Variants in SYT3 observed in about 807,000 individuals in gnomAD.
The protein encoded by SYT3 is synaptotagmin 3.
In SYT3, 25 loss-of-function variants were observed where a neutral mutation model predicts 50.6. That is an observed-to-expected ratio of 0.49 (90% confidence interval 0.36 to 0.69). SYT3 has a LOEUF of 0.69. Ranked by LOEUF, SYT3 falls within the 30% of genes least tolerant of loss-of-function variation. SYT3 has a pLI of 0.00. For missense variants in SYT3, 589 were observed against 793.6 expected, an observed-to-expected ratio of 0.74 and a Z score of 3.10; for synonymous variants, 323 against 353.9, an observed-to-expected ratio of 0.91 and a Z score of 0.98.
the SYT3 span, among the ~76,000 whole-genome samples, chr19:50,647,252 G>A: frequency 1.3e-5 from 2 of 152,290 alleles, no homozygotes; most frequent in East Asian, 1.9e-4. Flanking sequence ...GTGAGGGGCT[G>A]AAAGTTTGTC....
At chr19:50,656,485 C>T in the SYT3 span, 1 of 1,225,102 alleles carries the variant, frequency 8.2e-7, no homozygotes, top group African/African-American at 1.5e-5. Flanking sequence ...GGACAGTTTG[C>T]TGAAAACTGA....
chr19:50,651,986 A>C, the SYT3 span, among the ~76,000 whole-genome samples: 1 of 152,198 alleles, frequency 6.6e-6, no homozygotes, highest in Non-Finnish European at 1.5e-5. Flanking sequence ...ATTTTTTAAA[A>C]TTAATTTATT....
rs529397903 is a variant in SYT3, at chr19:50,623,613, C to CAAA, written c.1708-861_1708-859dup. The stretch of plus-strand genomic sequence containing the variant: ...ACAACATGGCAAAACCCTGTCTCTA[C>CAAA]AAAAAAAAAAAAAAAAAAAAAAAAA... On this transcript the variant is annotated intron_variant, in intron 9 of 10. Coordinates refer to ENST00000600079, the MANE Select transcript of SYT3 (RefSeq NM_001160329.2). Among the ~76,000 whole-genome samples, 19 of 91,624 alleles carry CAAA rather than the reference C, an allele frequency of 2.1e-4. 2 individuals carry two copies. The highest frequency in any genetic ancestry group is 5.6e-4 in the East Asian group (1 of 1,782). 60.1% of individuals were successfully genotyped at this position (91,624 alleles called of 152,430 possible). A position where few individuals can be genotyped will look rare whatever the true frequency, so the allele number is the denominator to read the frequency against.
intron 4 of SYT3, 150 bp from the exon 5 acceptor site, chr19:50,630,321 G>T: frequency 1.4e-6 from 1 of 732,718 alleles, no homozygotes; most frequent in South Asian, 2.5e-5. Flanking sequence ...GTGAGCTTGA[G>T]GAAGCCACTG....
Position 50,637,561 on chromosome 19 carries a change from C to A in SYT3, c.-15-135G>T. ...GGGCAAAGGGGACAGAGATTAGGGG[C>A]AGATGGATTAGGGATGGAGATTCGA... On this transcript the variant is annotated intron_variant, in intron 2 of 10. Transcript: ENST00000600079. This position sits in a 1 kb window ranked among gnomAD's most constrained non-coding sequence, Gnocchi z 4.9. 1.5e-6 allele frequency: 1 copy of A among 685,888 alleles called. No individual in the cohort carries two copies. Among genetic ancestry groups the A allele is most frequent in the Middle Eastern group, 2.6e-4 (1 of 3,890 alleles). The allele number at this position is 685,888 out of a possible 1,614,324, so 42.5% of individuals were successfully genotyped here.
rs747273906 is a variant in SYT3 at position 50,629,528 on chromosome 19, G to A, written c.1063-16C>T. On this transcript the variant is annotated splice_polypyrimidine_tract_variant and intron_variant, in intron 5 of 10. Coordinates refer to ENST00000600079, the MANE Select transcript of SYT3 (RefSeq NM_001160329.2). ...TCCTGTGCACCTGGTGGTGGTGGGC[G>A]ACAGGAGACAGACACCGTGCCCATA... 1.4e-5 allele frequency: 23 copies of A among 1,605,076 alleles called. No homozygotes were observed. The highest frequency in any genetic ancestry group is 1.3e-4 in the South Asian group (12 of 89,996).
chr19:50,644,504 G>T (rs778173109), upstream of SYT3, among the ~76,000 whole-genome samples: 1 of 152,108 alleles, frequency 6.6e-6, no homozygotes, highest in African/African-American at 2.4e-5. Context: ...TAGATGGATG[G>T]ATGTTGGAGG....
the SYT3 span, among the ~76,000 whole-genome samples, chr19:50,648,341 T>G: frequency 2.0e-4 from 30 of 152,178 alleles, no homozygotes; most frequent in Middle Eastern, 3.4e-3. Context: ...TGCCACCACC[T>G]AGAACGAATA....
upstream of SYT3, among the ~76,000 whole-genome samples, chr19:50,640,894 C>A (rs1984655315): frequency 6.6e-6 from 1 of 152,142 alleles, no homozygotes; most frequent in African/African-American, 2.4e-5. Flanking sequence ...CCCCTCAGTG[C>A]TCTCAATCAG....
chr19:50,645,156 A>C, the SYT3 span, among the ~76,000 whole-genome samples: 1 of 152,222 alleles, frequency 6.6e-6, no homozygotes, highest in Non-Finnish European at 1.5e-5. Flanking sequence ...GGCTATGGCC[A>C]TCCCTGCCAC....
the SYT3 span, among the ~76,000 whole-genome samples, chr19:50,655,384 C>T: frequency 1.3e-5 from 2 of 152,164 alleles, no homozygotes; most frequent in African/African-American, 4.8e-5. Context: ...GGCATAGTGG[C>T]TTATGCCTGT....
chr19:50,623,613 C>CAAAAAAAAAAAAAA lies in SYT3; in HGVS notation c.1708-872_1708-859dup, dbSNP rs529397903. Reference sequence around the variant, plus strand: ...ACAACATGGCAAAACCCTGTCTCTACAAAAAAAAAAAAAAAAAAAAAAAAA... The same window carrying CAAAAAAAAAAAAAA: ...ACAACATGGCAAAACCCTGTCTCTACAAAAAAAAAAAAAAAAAAAAAAAAAAAAAAAAAAAAAAA... On this transcript the variant is annotated intron_variant, in intron 9 of 10. Coordinates refer to ENST00000600079, the MANE Select transcript of SYT3 (RefSeq NM_001160329.2). Among the ~76,000 whole-genome samples, 60 of 91,598 alleles carry CAAAAAAAAAAAAAA rather than the reference C, an allele frequency of 6.6e-4. 2 individuals carry two copies. The highest frequency in any genetic ancestry group is 8.7e-4 in the African/African-American group (20 of 22,910). The allele number at this position is 91,598 out of a possible 152,430, so 60.1% of individuals were successfully genotyped here. A position where few individuals can be genotyped will look rare whatever the true frequency, so the allele number is the denominator to read the frequency against.
At chr19:50,628,983 C>T (rs1984175605) in intron 6 of SYT3, among the ~76,000 whole-genome samples, 1 of 151,906 alleles carries the variant, frequency 6.6e-6, no homozygotes, top group Non-Finnish European at 1.5e-5. Context: ...GCCACCATGC[C>T]CGGCTAATTT....
At position 50,639,143 on chromosome 19, in the gene SYT3, G is replaced by A. The variant is rs145006874; in HGVS notation, c.-134C>T. On this transcript the variant is annotated 5_prime_UTR_variant, in exon 2 of 11. Transcript: ENST00000600079. This position sits in a 1 kb window ranked among gnomAD's most constrained non-coding sequence, Gnocchi z 4.6. ...CGTTCCCACGCGCCGGGTAATGAGA[G>A]AGAATGTCTGATCTAGGGGCTGAGG... 2,464 of 152,448 alleles carry A rather than the reference G, an allele frequency of 0.016. 34 individuals carry two copies. Among genetic ancestry groups the A allele is most frequent in the Non-Finnish European group, 0.024 (1,634 of 68,156 alleles). The allele number at this position is 152,448 out of a possible 1,614,324, so 9.4% of individuals were successfully genotyped here.
rs1414981221 is a variant in SYT3, at chr19:50,632,182, G to T, written c.674+104C>A. On this transcript the variant is annotated intron_variant, in intron 4 of 10. Coordinates refer to ENST00000600079, the MANE Select transcript of SYT3 (RefSeq NM_001160329.2). This position sits in a 1 kb window ranked among gnomAD's most constrained non-coding sequence, Gnocchi z 4.7. ...CCTAAGATCCAGGAGTCAATACCCC[G>T]ATTCCCCTCCAAATCCCGAACTCAT... is the stretch of plus-strand genomic sequence containing the variant. The T allele has an allele frequency of 7.8e-7, 1 of 1,280,446 alleles. No homozygotes were observed. Among genetic ancestry groups the T allele is most frequent in the South Asian group, 1.7e-5 (1 of 59,510 alleles). The allele number at this position is 1,280,446 out of a possible 1,614,324, so 79.3% of individuals were successfully genotyped here.
At chr19:50,653,682 GCA>G in the SYT3 span, among the ~76,000 whole-genome samples, 8,297 of 121,632 alleles carry the variant, frequency 0.068, 334 homozygotes, top group Non-Finnish European at 0.088. Flanking sequence ...ATGAGAGACA[GCA>G]CACACACACA....
chr19:50,653,127 T>C, the SYT3 span, among the ~76,000 whole-genome samples: 1 of 152,158 alleles, frequency 6.6e-6, no homozygotes, highest in African/African-American at 2.4e-5. Context: ...AATCTCTGCC[T>C]CCAGGGTTCA....
chr19:50,629,067 GC>G (rs1281184371), intron 6 of SYT3, among the ~76,000 whole-genome samples: 2 of 152,034 alleles, frequency 1.3e-5, no homozygotes, highest in Non-Finnish European at 2.9e-5. Context: ...CAAGTGATCT[GC>G]CCACCTGGCC....
chr19:50,628,771 T>C (rs1438190183), intron 6 of SYT3, among the ~76,000 whole-genome samples: 1 of 151,242 alleles, frequency 6.6e-6, no homozygotes, highest in African/African-American at 2.4e-5. Flanking sequence ...GACCTGATGC[T>C]AACATTTGGC....
Sources: allele counts gnomAD v4.1 joint callset (sites outside exome capture counted in the v4.1 genomes callset), GRCh38; gene constraint gnomAD v4.1.1; non-coding constraint Gnocchi (gnomAD v3.1); transcripts MANE v1.5; gene names NCBI Gene and HGNC (gene_info 2026-07-23, HGNC 2026-07-21).